The following RSPH9 variants were observed in gnomAD, a reference collection of about 807,000 sequenced individuals.
RSPH9 encodes radial spoke head component 9, also known as radial spoke head protein 9 homolog.
RSPH9 carries 27 observed loss-of-function variants against 27.0 expected under a neutral mutation model. That is an observed-to-expected ratio of 1.00 (90% CI 0.74 to 1.38). The LOEUF is 1.38. Ranked by LOEUF, RSPH9 falls within the 40% of genes most tolerant of loss-of-function variation. RSPH9 has a pLI of 0.00. For missense variants in RSPH9, 347 were observed against 357.4 expected (o/e 0.97, Z 0.24); for synonymous variants, 145 against 147.7 (o/e 0.98, Z 0.13).
intron 1 of RSPH9, among the ~76,000 whole-genome samples, chr6:43,645,557 G>A (rs796172053): frequency 1.3e-5 from 2 of 152,234 alleles, no homozygotes; most frequent in African/African-American, 4.8e-5. Flanking sequence ...GGCTAGGGCG[G>A]AGCCTGAGAG....
At position 43,655,653 on chromosome 6, in the gene RSPH9, C is replaced by G. The variant is rs777420196; in HGVS notation, c.485C>G (p.Thr162Ser). The change falls in exon 3 of 5, where the codon ACC (threonine) becomes AGC (serine). Residue 162 changes from threonine (T) to serine (S), a missense_variant. Physicochemically the swap from Thr to Ser is moderately conservative, Grantham distance 58. Coordinates refer to ENST00000372163, the MANE Select transcript of RSPH9 (RefSeq NM_152732.5). ...ATCCCCCGAGGCGCCCTCTTCAAGACCCCTTTTGGACCCACCCATGTCAAT... is the reference window on the plus strand; with the variant it reads ...ATCCCCCGAGGCGCCCTCTTCAAGAGCCCTTTTGGACCCACCCATGTCAAT... Reference protein sequence around the residue: ...AIIPRGALFKTPFGPTHVNRT... With the variant: ...AIIPRGALFKSPFGPTHVNRT... 2 of 1,614,238 alleles carry G rather than the reference C, an allele frequency of 1.2e-6. No homozygotes were observed. Among genetic ancestry groups the G allele is most frequent in the South Asian group, 2.2e-5 (2 of 91,084 alleles).
chr6:43,666,454 C>T (rs750166414), intron 4 of RSPH9: 11 of 1,550,250 alleles, frequency 7.1e-6, no homozygotes, highest in South Asian at 4.8e-5. Flanking sequence ...GGTGACTTCA[C>T]GTGGCTTCTG....
chr6:43,646,955 A>T (rs1770938382), intron 1 of RSPH9, among the ~76,000 whole-genome samples: 1 of 131,456 alleles, frequency 7.6e-6, no homozygotes, highest in African/African-American at 3.6e-5. Flanking sequence ...ACTCCGTCTC[A>T]AAAAAAAAAA....
Position 43,655,997 on chromosome 6 carries a change from C to A in RSPH9, c.523+306C>A, listed in dbSNP as rs1256998930. 2.7e-5 allele frequency among the ~76,000 whole-genome samples: 3 copies of A among 110,068 alleles called. No homozygotes were observed. The East Asian group carries it at 7.7e-4, about 28-fold the overall frequency. The allele number at this position is 110,068 out of a possible 152,430, so 72.2% of individuals were successfully genotyped here. ...TCTCCTTCCTCCTTGGACTTCCTTC[C>A]TTCCTTCCTTCCTTCCTTCCTTCCT... On this transcript the variant is annotated intron_variant, in intron 3 of 4. Coordinates refer to ENST00000372163, the MANE Select transcript of RSPH9 (RefSeq NM_152732.5).
intron 2 of RSPH9, among the ~76,000 whole-genome samples, chr6:43,652,717 T>C (rs1771606651): frequency 6.8e-6 from 1 of 146,658 alleles, no homozygotes; most frequent in Non-Finnish European, 1.5e-5. Flanking sequence ...TGAGCCACCA[T>C]GCCCAACTTC....
At position 43,669,140 on chromosome 6, in the gene RSPH9, G is replaced by A. The variant is rs542699873; in HGVS notation, c.671-1649G>A. ...CCTTCTCAGGGGCAGTGTTCCAGCC[G>A]GAGCCCCGCTAACACAGGGGCACTA... On this transcript the variant is annotated intron_variant, in intron 4 of 4. Coordinates refer to ENST00000372163, the MANE Select transcript of RSPH9 (RefSeq NM_152732.5). Among the ~76,000 whole-genome samples the A allele has an allele frequency of 6.6e-5, 10 of 152,310 alleles. No individual in the cohort carries two copies. In the South Asian group the frequency reaches 8.3e-4, roughly 13 times the overall value.
chr6:43,667,515 G>C (rs1476034129), intron 4 of RSPH9, among the ~76,000 whole-genome samples: 2 of 150,356 alleles, frequency 1.3e-5, no homozygotes, highest in African/African-American at 5.0e-5. Flanking sequence ...GCATGGGCGC[G>C]GGGGGGAACA....
At position 43,671,078 on chromosome 6, in the gene RSPH9, G is replaced by A; in HGVS notation, c.*129G>A. ...TCCGTCTGGTTCCAGATTCTGAAAG[G>A]CCCACTGAGCCAGGGAGCTCATTTC... On this transcript the variant is annotated 3_prime_UTR_variant, in exon 5 of 5. Coordinates refer to ENST00000372163, the MANE Select transcript of RSPH9 (RefSeq NM_152732.5). The A allele has an allele frequency of 1.7e-6, 2 of 1,159,872 alleles. No homozygotes were observed. Among genetic ancestry groups the A allele is most frequent in the Non-Finnish European group, 1.3e-6 (1 of 798,808 alleles). 71.8% of individuals were successfully genotyped at this position (1,159,872 alleles called of 1,614,324 possible).
chr6:43,672,042 G>A lies in RSPH9; in HGVS notation c.*1093G>A. The A allele has an allele frequency of 9.3e-7, 1 of 1,079,106 alleles. No individual in the cohort carries two copies. The highest frequency in any genetic ancestry group is 1.3e-6 in the Non-Finnish European group (1 of 771,400). 66.8% of individuals were successfully genotyped at this position (1,079,106 alleles called of 1,614,324 possible). ...TTCACCAGTTTCCCTTTCCTGAAGT[G>A]CAGGGATTTTCCTGGGAGTAACTGC... On this transcript the variant is annotated 3_prime_UTR_variant, in exon 5 of 5. Coordinates refer to ENST00000372163, the MANE Select transcript of RSPH9 (RefSeq NM_152732.5).
chr6:43,646,812 C>T (rs533051542), intron 1 of RSPH9, among the ~76,000 whole-genome samples: 1 of 151,696 alleles, frequency 6.6e-6, no homozygotes, highest in African/African-American at 2.4e-5. Flanking sequence ...AAAAATTAGA[C>T]GGGCGTGGTG....
chr6:43,658,031 T>C (rs1772203885), intron 4 of RSPH9, among the ~76,000 whole-genome samples: 1 of 152,200 alleles, frequency 6.6e-6, no homozygotes, highest in Non-Finnish European at 1.5e-5. Context: ...GGCTCACGCC[T>C]GTGATCCCAG....
chr6:43,656,713 C>A lies in RSPH9; in HGVS notation c.660C>A (p.Asp220Glu). The change falls in exon 4 of 5, where the codon GAC (aspartate) becomes GAA (glutamate). Residue 220 changes from aspartate (D) to glutamate (E), a missense_variant. By Grantham distance (45) the Asp-to-Glu change is conservative. Coordinates refer to ENST00000372163, the MANE Select transcript of RSPH9 (RefSeq NM_152732.5). ...ATTTCATGGACTCCTTGGAGCATGA[C>A]ATTCCCAAAGGTAATAGTCCATTAC... Reference protein sequence around the residue: ...SLDFMDSLEHDIPKGSWSIQM... With the variant: ...SLDFMDSLEHEIPKGSWSIQM... The A allele has an allele frequency of 6.2e-7, 1 of 1,614,122 alleles. No individual in the cohort carries two copies. The highest frequency in any genetic ancestry group is 1.7e-5 in the Admixed American group (1 of 60,016).
In RSPH9 at chr6:43,671,003, G is replaced by A; in HGVS notation, c.*54G>A. Reference sequence around the variant, plus strand: ...CAGAGTCTAAACATGATTTTCTTAAGCTTCAGTGAACTTGGCCTGCCTGTT... The same window carrying A: ...CAGAGTCTAAACATGATTTTCTTAAACTTCAGTGAACTTGGCCTGCCTGTT... On this transcript the variant is annotated 3_prime_UTR_variant, in exon 5 of 5. Transcript: ENST00000372163. 6.2e-7 allele frequency: 1 copy of A among 1,609,280 alleles called. No homozygotes were observed. The highest frequency in any genetic ancestry group is 8.5e-7 in the Non-Finnish European group (1 of 1,177,438).
chr6:43,652,429 C>CTTT (rs1178544653), intron 2 of RSPH9, among the ~76,000 whole-genome samples: 1 of 142,676 alleles, frequency 7.0e-6, no homozygotes. Context: ...CCTTCCCATT[C>CTTT]TTTTTTTTTT....
Position 43,671,835 on chromosome 6 carries a change from C to A in RSPH9, c.*886C>A, listed in dbSNP as rs138289141. 37 of 1,614,012 alleles carry A rather than the reference C, an allele frequency of 2.3e-5. No homozygotes were observed. In the Middle Eastern group the frequency reaches 1.8e-3, roughly 79 times the overall value. ...CAGAAGGGGTGACCCCACGGGCATG[C>A]GCACCCTGTTCCAGCGGGGGCCTTT... On this transcript the variant is annotated 3_prime_UTR_variant, in exon 5 of 5. Transcript: ENST00000372163.
chr6:43,671,947 GC>G lies in RSPH9; in HGVS notation c.*1001del, dbSNP rs1343179668. 6.5e-7 allele frequency: 1 copy of G among 1,538,756 alleles called. No individual in the cohort carries two copies. Among genetic ancestry groups the G allele is most frequent in the South Asian group, 1.2e-5 (1 of 80,444 alleles). On this transcript the variant is annotated 3_prime_UTR_variant, in exon 5 of 5. Transcript: ENST00000372163. ...AAAGAGGTGCCTGTGAGGGCTGGGG[GC>G]CCAAGCTGGACGTGGGAGAGTGGAG...
At chr6:43,666,320 G>T in intron 4 of RSPH9, 1 of 902,190 alleles carries the variant, frequency 1.1e-6, no homozygotes, top group Non-Finnish European at 1.8e-6. Context: ...CTGCTAATTG[G>T]GGCCAAAATC....
At chr6:43,664,227 ATTATT>A (rs1311723906) in intron 4 of RSPH9, among the ~76,000 whole-genome samples, 2 of 151,680 alleles carry the variant, frequency 1.3e-5, no homozygotes, top group Non-Finnish European at 2.9e-5. Context: ...GATGATGATG[ATTATT>A]TTGAGACAGA....
chr6:43,658,628 C>T (rs1385363973), intron 4 of RSPH9, among the ~76,000 whole-genome samples: 4 of 152,120 alleles, frequency 2.6e-5, no homozygotes, highest in African/African-American at 9.7e-5. Context: ...GCAAGCTCCA[C>T]CTCCCGGATT....
Sources: allele counts gnomAD v4.1 joint callset (sites outside exome capture counted in the v4.1 genomes callset), GRCh38; gene constraint gnomAD v4.1.1; transcripts MANE v1.5; gene names NCBI Gene and HGNC (gene_info 2026-07-23, HGNC 2026-07-21).